Variants in PCNT observed in about 807,000 individuals in gnomAD.
PCNT encodes kendrin.
Under a neutral mutation model 380.4 loss-of-function variants are expected in PCNT, and 319 were observed. The observed-to-expected ratio is 0.84, with a 90% CI of 0.77 to 0.92. The LOEUF is 0.92. Among genes scored for constraint, PCNT ranks in the 40% least tolerant of loss-of-function variants. PCNT has a pLI of 0.00. For synonymous variants in PCNT, 1,845 were observed against 1,735.2 expected, an observed-to-expected ratio of 1.06 and a Z score of -1.57; for missense variants, 4,400 against 4,255.3, an observed-to-expected ratio of 1.03 and a Z score of -0.95.
intron 38 of PCNT, among the ~76,000 whole-genome samples, chr21:46,435,201 CT>C (rs1389650916): frequency 3.3e-5 from 5 of 152,088 alleles, no homozygotes; most frequent in African/African-American, 1.2e-4. Context: ...TGGGCTTTTG[CT>C]TGGCAGTTGT....
intron 33 of PCNT, 67 bp from the exon 34 acceptor site, chr21:46,427,555 C>G (rs1031883068): frequency 1.3e-6 from 2 of 1,594,462 alleles, no homozygotes; most frequent in Non-Finnish European, 1.7e-6. Context: ...AGTCACACTG[C>G]GAACTTTAGG....
chr21:46,355,679 G>A (rs886914628), intron 12 of PCNT, 53 bp downstream of exon 12: 34 of 1,585,050 alleles, frequency 2.1e-5, no homozygotes, highest in African/African-American at 1.9e-4. Flanking sequence ...TCTGGGGGAC[G>A]TTCTCGGGGA....
chr21:46,382,202 C>G (rs1267986465), intron 16 of PCNT, among the ~76,000 whole-genome samples: 1 of 138,036 alleles, frequency 7.2e-6, no homozygotes, highest in African/African-American at 2.7e-5. Context: ...AGTGTAGATT[C>G]AGTGGCGGAA....
chr21:46,344,049 T>C (rs2083988297), intron 3 of PCNT, among the ~76,000 whole-genome samples: 1 of 151,896 alleles, frequency 6.6e-6, no homozygotes, highest in Non-Finnish European at 1.5e-5. Flanking sequence ...ATCAGTTTTG[T>C]TTATCTTTTC....
chr21:46,437,583 C>T (rs2053496808), intron 40 of PCNT, among the ~76,000 whole-genome samples: 1 of 152,222 alleles, frequency 6.6e-6, no homozygotes, highest in African/African-American at 2.4e-5. Context: ...AGTCTGAGCT[C>T]ACTGTAAGCT....
intron 1 of PCNT, chr21:46,324,791 C>T (rs1401534591): frequency 3.8e-6 from 3 of 797,256 alleles, no homozygotes; most frequent in Non-Finnish European, 4.6e-6. Flanking sequence ...TCCTGCGCGG[C>T]CGGGGCCGGG....
At chr21:46,328,660 C>T (rs1236150024) in intron 2 of PCNT, among the ~76,000 whole-genome samples, 1 of 151,984 alleles carries the variant, frequency 6.6e-6, no homozygotes, top group Non-Finnish European at 1.5e-5. Flanking sequence ...AGGGTTTCAC[C>T]ATGTTGGTCA....
chr21:46,355,351 G>A, intron 11 of PCNT, 101 bp from the exon 12 acceptor site: 1 of 1,268,344 alleles, frequency 7.9e-7, no homozygotes, highest in African/African-American at 1.5e-5. Context: ...AGTGAGGTTT[G>A]AGTTTTCTTT....
At position 46,425,304 on chromosome 21, in the gene PCNT, T is replaced by A. The variant is rs1393061446; in HGVS notation, c.7180-527T>A. 6.6e-6 allele frequency among the ~76,000 whole-genome samples: 1 copy of A among 152,206 alleles called. No homozygotes were observed. The highest frequency in any genetic ancestry group is 1.5e-5 in the Non-Finnish European group (1 of 68,026). On this transcript the variant is annotated intron_variant, in intron 32 of 46. Coordinates refer to ENST00000359568, the MANE Select transcript of PCNT (RefSeq NM_006031.6). This position sits in a 1 kb window ranked among gnomAD's most constrained non-coding sequence, Gnocchi z 4.2. ...ACCTGTGGGCAGGGCCTGCTGGGGA[T>A]GGTTTTCTCTGCTCCCCGTGCCCAG... is the stretch of plus-strand genomic sequence containing the variant.
At chr21:46,389,039 G>A (rs551185929) in intron 18 of PCNT, among the ~76,000 whole-genome samples, 155 bp downstream of exon 18, 13 of 152,346 alleles carry the variant, frequency 8.5e-5, no homozygotes, top group African/African-American at 2.9e-4. Flanking sequence ...GGCCGAGACC[G>A]GGGTTTGGGC....
intron 31 of PCNT, among the ~76,000 whole-genome samples, chr21:46,420,168 T>C (rs1468139834): frequency 1.3e-5 from 2 of 152,172 alleles, no homozygotes; most frequent in Non-Finnish European, 2.9e-5. Flanking sequence ...CACGCGACCT[T>C]GGAGGCCTGC....
At chr21:46,390,174 G>C (rs373822716) in intron 19 of PCNT, among the ~76,000 whole-genome samples, 8 of 152,214 alleles carry the variant, frequency 5.3e-5, no homozygotes, top group African/African-American at 1.9e-4. Context: ...TTAGCCAGGC[G>C]TGGTGGCATG....
rs2839227 is a variant in PCNT, at chr21:46,366,609, A to G, written c.2635A>G (p.Thr879Ala). Residue 879 changes from threonine (T) to alanine (A), a missense_variant, in exon 15 of 47, where the codon ACC (threonine) becomes GCC (alanine). By Grantham distance (58) the Thr-to-Ala change is moderately conservative. Transcript: ENST00000359568. ...GTTTTTAGAGGAACGTAAAGAGATCACCGAGAAATTCAGTGCGGAACAAGA... is the reference window on the plus strand; with the variant it reads ...GTTTTTAGAGGAACGTAAAGAGATCGCCGAGAAATTCAGTGCGGAACAAGA... The part of the protein sequence containing the change: ...SRFLEERKEI[T>A]EKFSAEQDAF... 269,795 of 1,613,858 alleles carry G rather than the reference A, an allele frequency of 0.17. 29,428 individuals are homozygous for G. Among genetic ancestry groups the G allele is most frequent in the African/African-American group, 0.52 (38,991 of 74,954 alleles).
In PCNT at chr21:46,364,497, C is replaced by T. The variant is rs569488057; in HGVS notation, c.2609+563C>T. Among the ~76,000 whole-genome samples the T allele has an allele frequency of 1.4e-4, 21 of 152,334 alleles. No individual in the cohort carries two copies. In the East Asian group the frequency reaches 2.5e-3, roughly 18 times the overall value. ...TTCGTGTGTTTTAAGATTTGAACAG[C>T]AGAAGCTAAACCTCTTTTATAGGTG... On this transcript the variant is annotated intron_variant, in intron 14 of 46. Coordinates refer to ENST00000359568, the MANE Select transcript of PCNT (RefSeq NM_006031.6).
In PCNT at chr21:46,388,502, C is replaced by T. The variant is rs987284252; in HGVS notation, c.3465-240C>T. 6.6e-6 allele frequency among the ~76,000 whole-genome samples: 1 copy of T among 152,212 alleles called. No individual in the cohort carries two copies. The highest frequency in any genetic ancestry group is 2.4e-5 in the African/African-American group (1 of 41,454). On this transcript the variant is annotated intron_variant, in intron 17 of 46. Coordinates refer to ENST00000359568, the MANE Select transcript of PCNT (RefSeq NM_006031.6). The surrounding 1 kb of genome is among the most constrained non-coding windows in gnomAD (Gnocchi z 4.2). ...GATGCCTTTTACACATCAGAAATGGCATCAGGAAGACCTCACCTAGGAAAG... is the reference window on the plus strand; with the variant it reads ...GATGCCTTTTACACATCAGAAATGGTATCAGGAAGACCTCACCTAGGAAAG...
At position 46,367,060 on chromosome 21, in the gene PCNT, C is replaced by T; in HGVS notation, c.3086C>T (p.Ser1029Phe). 6.2e-7 allele frequency: 1 copy of T among 1,614,004 alleles called. No homozygotes were observed. The highest frequency in any genetic ancestry group is 8.5e-7 in the Non-Finnish European group (1 of 1,180,012). Residue 1029 changes from serine to phenylalanine, a missense_variant, in exon 15 of 47, where the codon TCT (serine) becomes TTT (phenylalanine). By Grantham distance (155) the Ser-to-Phe change is radical. Transcript: ENST00000359568. ...CGGAAACACGAAGGGGAGCTACAGT[C>T]TGTGCGGGACCACCTGCGAACCGAA... Reference protein sequence around the residue: ...LKRKHEGELQSVRDHLRTEVS... With the variant: ...LKRKHEGELQFVRDHLRTEVS...
chr21:46,331,022 G>A (rs999231931), intron 2 of PCNT, among the ~76,000 whole-genome samples: 4 of 151,656 alleles, frequency 2.6e-5, no homozygotes, highest in African/African-American at 4.8e-5. Context: ...AGATAAGTGT[G>A]TGTGTTTGTG....
rs904563134 is a variant in PCNT at position 46,382,212 on chromosome 21, A to G, written c.3312+372A>G. Reference sequence around the variant, plus strand: ...TTCATAGTGTAGATTCAGTGGCGGAAGCGCATTCATAGTGTTCTGCATTCA... The same window carrying G: ...TTCATAGTGTAGATTCAGTGGCGGAGGCGCATTCATAGTGTTCTGCATTCA... On this transcript the variant is annotated intron_variant, in intron 16 of 46. Transcript: ENST00000359568. 2.5e-4 allele frequency among the ~76,000 whole-genome samples: 36 copies of G among 141,376 alleles called. 4 individuals carry two copies. The highest frequency in any genetic ancestry group is 7.9e-4 in the African/African-American group (30 of 37,910). The allele number at this position is 141,376 out of a possible 152,430, so 92.7% of individuals were successfully genotyped here. A position where few individuals can be genotyped will look rare whatever the true frequency, so the allele number is the denominator to read the frequency against.
At chr21:46,426,963 C>T (rs1438528151) in intron 33 of PCNT, among the ~76,000 whole-genome samples, 5 of 152,290 alleles carry the variant, frequency 3.3e-5, no homozygotes, top group South Asian at 4.1e-4. Flanking sequence ...CAGCCCCACC[C>T]GCCTCCGCTC....
Sources: allele counts gnomAD v4.1 joint callset (sites outside exome capture counted in the v4.1 genomes callset), GRCh38; gene constraint gnomAD v4.1.1; non-coding constraint Gnocchi (gnomAD v3.1); transcripts MANE v1.5; gene names NCBI Gene and HGNC (gene_info 2026-07-23, HGNC 2026-07-21).